The following PRKN variants were observed in gnomAD, a reference collection of about 807,000 sequenced individuals.
The protein encoded by PRKN is parkin RBR E3 ubiquitin protein ligase.
A neutral mutation model predicts 59.5 loss-of-function variants in PRKN; 56 were observed. That is an observed-to-expected ratio of 0.94 (90% CI 0.76 to 1.18). The LOEUF is 1.18. Ranked by LOEUF, PRKN falls within the 50% of genes most tolerant of loss-of-function variation. The pLI, the probability that PRKN is intolerant of heterozygous loss-of-function variation, is 0.00. For synonymous variants in PRKN, 250 were observed against 222.1 expected (o/e 1.13, Z -1.12); for missense variants, 657 against 596.4 (o/e 1.10, Z -1.06).
rs113337502 is a variant in PRKN, at chr6:162,433,110, C to T, written c.171+10200G>A. 3.0e-4 allele frequency among the ~76,000 whole-genome samples: 45 copies of T among 152,196 alleles called. 1 individual carries two copies. Among genetic ancestry groups the T allele is most frequent in the Admixed American group, 7.2e-4 (11 of 15,290 alleles). ...AATAAATCGTGGGATGAATTTACTG[C>T]GCATTACAAATAAAATGTTTATATT... On this transcript the variant is annotated intron_variant, in intron 2 of 11. Coordinates refer to ENST00000366898, the MANE Select transcript of PRKN (RefSeq NM_004562.3).
chr6:162,216,288 T>G (rs536786711), intron 3 of PRKN, among the ~76,000 whole-genome samples: 2 of 151,410 alleles, frequency 1.3e-5, no homozygotes, highest in Non-Finnish European at 2.9e-5. Flanking sequence ...CCCAGCACTT[T>G]GGGAGGCCGA....
intron 1 of PRKN, among the ~76,000 whole-genome samples, chr6:162,624,112 G>A (rs1016965450): frequency 1.3e-5 from 2 of 151,944 alleles, no homozygotes; most frequent in African/African-American, 4.8e-5. Flanking sequence ...ACTGGGCATG[G>A]TGCCGCATCC....
At chr6:161,433,941 C>T (rs1788765855) in intron 9 of PRKN, among the ~76,000 whole-genome samples, 1 of 151,896 alleles carries the variant, frequency 6.6e-6, no homozygotes, top group African/African-American at 2.4e-5. Context: ...TATCTGAACC[C>T]GGGAGGCAGA....
chr6:161,715,329 C>A (rs1044237887), intron 7 of PRKN, among the ~76,000 whole-genome samples: 1 of 151,976 alleles, frequency 6.6e-6, no homozygotes, highest in Non-Finnish European at 1.5e-5. Flanking sequence ...GTCTTCCTGA[C>A]TTTCGGTGAT....
chr6:161,626,795 G>T (rs114787526), intron 7 of PRKN, among the ~76,000 whole-genome samples: 1 of 152,214 alleles, frequency 6.6e-6, no homozygotes, highest in African/African-American at 2.4e-5. Context: ...GGCTGGTGCC[G>T]CAGGCATTTA....
At chr6:161,680,206 C>A (rs1341914532) in intron 7 of PRKN, among the ~76,000 whole-genome samples, 2 of 152,088 alleles carry the variant, frequency 1.3e-5, no homozygotes, top group Non-Finnish European at 2.9e-5. Flanking sequence ...GGAACATTTC[C>A]CCCTTTCTCC....
chr6:161,618,400 G>GAC (rs1194480795), intron 7 of PRKN, among the ~76,000 whole-genome samples: 2 of 152,182 alleles, frequency 1.3e-5, no homozygotes, highest in Non-Finnish European at 2.9e-5. Flanking sequence ...GAATGCAACA[G>GAC]ACACTCTCTC....
intron 6 of PRKN, among the ~76,000 whole-genome samples, chr6:161,954,640 T>C (rs956824693): frequency 2.6e-5 from 4 of 152,240 alleles, no homozygotes; most frequent in African/African-American, 9.6e-5. Flanking sequence ...AATTAAGTAT[T>C]CATTTCCACT....
At chr6:161,937,782 T>A (rs1779411694) in intron 6 of PRKN, among the ~76,000 whole-genome samples, 1 of 152,246 alleles carries the variant, frequency 6.6e-6, no homozygotes, top group African/African-American at 2.4e-5. Flanking sequence ...ATGATGTTGT[T>A]GTAATATTCC....
intron 2 of PRKN, among the ~76,000 whole-genome samples, chr6:162,364,961 C>T (rs980301710): frequency 6.8e-6 from 1 of 147,536 alleles, no homozygotes; most frequent in Admixed American, 6.7e-5. Context: ...TCTCTCTTCT[C>T]CCTCTCTCTC....
intron 1 of PRKN, among the ~76,000 whole-genome samples, chr6:162,483,517 G>A (rs758853015): frequency 7.9e-5 from 12 of 151,622 alleles, no homozygotes; most frequent in South Asian, 2.1e-4. Flanking sequence ...AGGCAGTGGC[G>A]GCAGTGGGGG....
In PRKN at chr6:162,154,953, T is replaced by C. The variant is rs116816751; in HGVS notation, c.534+46178A>G. On this transcript the variant is annotated intron_variant, in intron 4 of 11. Transcript: ENST00000366898. ...AAAATGAAGGACATTAATTCAACTC[T>C]GGATTTCAGGTGATGCAAAAAAAAA... 8.9e-3 allele frequency among the ~76,000 whole-genome samples: 1,334 copies of C among 150,132 alleles called. 23 individuals are homozygous for C. The highest frequency in any genetic ancestry group is 0.03 in the African/African-American group (1,241 of 40,756).
At chr6:162,482,319 G>A (rs1248608771) in intron 1 of PRKN, among the ~76,000 whole-genome samples, 1 of 152,070 alleles carries the variant, frequency 6.6e-6, no homozygotes. Context: ...CTAACTTTGT[G>A]CAGTATTCCA....
intron 6 of PRKN, among the ~76,000 whole-genome samples, chr6:161,911,009 G>C (rs1320980985): frequency 6.6e-6 from 1 of 152,224 alleles, no homozygotes; most frequent in Non-Finnish European, 1.5e-5. Context: ...CAAAATAACT[G>C]TGGACTTGCT....
chr6:161,691,671 C>T (rs547563470), intron 7 of PRKN, among the ~76,000 whole-genome samples: 5 of 152,108 alleles, frequency 3.3e-5, no homozygotes, highest in East Asian at 1.9e-4. Flanking sequence ...GCATTTTAAA[C>T]AGTAAGATCA....
intron 4 of PRKN, among the ~76,000 whole-genome samples, chr6:162,148,265 G>C (rs573889524): frequency 3.9e-5 from 6 of 152,074 alleles, no homozygotes; most frequent in Non-Finnish European, 7.4e-5. Context: ...TAACCAACCA[G>C]TATTCCACCT....
chr6:161,917,741 C>A (rs1434636869), intron 6 of PRKN, among the ~76,000 whole-genome samples: 1 of 152,174 alleles, frequency 6.6e-6, no homozygotes, highest in Non-Finnish European at 1.5e-5. Context: ...CCAAATACAG[C>A]CATACTCATT....
chr6:162,343,274 T>C (rs78993721), intron 2 of PRKN, among the ~76,000 whole-genome samples: 3,141 of 152,274 alleles, frequency 0.021, 64 homozygotes, highest in East Asian at 0.11. Flanking sequence ...TTTGTTAATA[T>C]TTTTAAAATG....
At position 162,401,023 on chromosome 6, in the gene PRKN, G is replaced by A. The variant is rs749630178; in HGVS notation, c.171+42287C>T. Among the ~76,000 whole-genome samples the A allele has an allele frequency of 5.9e-4, 90 of 152,108 alleles. 2 individuals carry two copies. Among genetic ancestry groups the A allele is most frequent in the South Asian group, 2.1e-4 (1 of 4,820 alleles). On this transcript the variant is annotated intron_variant, in intron 2 of 11. Transcript: ENST00000366898. ...TAAAAACATTGATGATAATGGAAAC[G>A]CAACACAAGGCAACCCACGCTGTGC...
Sources: gnomAD v4.1 joint callset for allele counts (sites outside exome capture counted in the v4.1 genomes callset) on GRCh38, gnomAD v4.1.1 for gene constraint, MANE v1.5 for transcripts, NCBI Gene and HGNC (gene_info 2026-07-23, HGNC 2026-07-21) for gene names.